Variants in FSIP1 observed in about 807,000 individuals in gnomAD.
FSIP1 encodes the protein fibrous sheath-interacting protein 1.
Under a neutral mutation model 60.9 loss-of-function variants are expected in FSIP1, and 65 were observed. That is an observed-to-expected ratio of 1.07 (90% CI 0.87 to 1.31). The LOEUF is 1.31. Among genes scored for constraint, FSIP1 ranks in the 40% most tolerant of loss-of-function variants. The probability of loss-of-function intolerance (pLI) is 0.00; values close to 1 mark genes in which losing one functional copy is unlikely to be tolerated. For missense variants in FSIP1, 675 were observed against 665.5 expected, an observed-to-expected ratio of 1.01 and a Z score of -0.16; for synonymous variants, 209 against 221.2, an observed-to-expected ratio of 0.94 and a Z score of 0.49.
At chr15:39,676,531 T>C (rs1259339207) in intron 10 of FSIP1, among the ~76,000 whole-genome samples, 1 of 152,218 alleles carries the variant, frequency 6.6e-6, no homozygotes, top group Non-Finnish European at 1.5e-5. Context: ...GAAGACTGTG[T>C]GTTCACGGAG....
intron 10 of FSIP1, among the ~76,000 whole-genome samples, chr15:39,698,964 T>A (rs34586114): frequency 0.047 from 7,110 of 152,308 alleles, 233 homozygotes; most frequent in Non-Finnish European, 0.065. Flanking sequence ...TAAGAGGTGA[T>A]GCAATAGCTT....
chr15:39,640,282 T>C (rs1414945484), intron 10 of FSIP1, among the ~76,000 whole-genome samples: 1 of 152,180 alleles, frequency 6.6e-6, no homozygotes, highest in African/African-American at 2.4e-5. Flanking sequence ...AAAATTCTCA[T>C]CTTTAACCTA....
chr15:39,675,040 T>A (rs1893882258), intron 10 of FSIP1, among the ~76,000 whole-genome samples: 2 of 141,296 alleles, frequency 1.4e-5, no homozygotes, highest in African/African-American at 5.0e-5. Flanking sequence ...ATGAATAGGC[T>A]TTTTTTTTAA....
At chr15:39,698,116 A>G (rs911095405) in intron 10 of FSIP1, among the ~76,000 whole-genome samples, 1 of 151,192 alleles carries the variant, frequency 6.6e-6, no homozygotes, top group Non-Finnish European at 1.5e-5. Context: ...AAGGTGGCTG[A>G]GTCCAAATCA....
chr15:39,770,622 TTC>T lies in FSIP1; in HGVS notation c.127-14_127-13del, dbSNP rs1491056004. The stretch of plus-strand genomic sequence containing the variant: ...CTTGCAGTATCGACCTAAAAATAAT[TTC>T]AAAAAAAAAACAGTTTCCGAAAATA... On this transcript the variant is annotated splice_polypyrimidine_tract_variant and intron_variant, in intron 2 of 11. Transcript: ENST00000350221. 6.8e-7 allele frequency: 1 copy of T among 1,463,946 alleles called. No homozygotes were observed. 90.7% of individuals were successfully genotyped at this position (1,463,946 alleles called of 1,614,324 possible). A position where few individuals can be genotyped will look rare whatever the true frequency, so the allele number is the denominator to read the frequency against.
At chr15:39,728,492 C>A (rs1310990672) in intron 8 of FSIP1, among the ~76,000 whole-genome samples, 1 of 152,148 alleles carries the variant, frequency 6.6e-6, no homozygotes, top group Non-Finnish European at 1.5e-5. Flanking sequence ...CACACACCTA[C>A]AACCATCTGA....
chr15:39,735,036 C>T (rs903497692), intron 8 of FSIP1, among the ~76,000 whole-genome samples: 12 of 152,148 alleles, frequency 7.9e-5, no homozygotes, highest in African/African-American at 1.2e-4. Flanking sequence ...GAAAATCTAT[C>T]GCCATAGTTT....
intron 10 of FSIP1, among the ~76,000 whole-genome samples, chr15:39,646,360 G>A (rs1204951675): frequency 6.6e-6 from 1 of 151,694 alleles, no homozygotes; most frequent in Non-Finnish European, 1.5e-5. Flanking sequence ...AGGTGCTGGG[G>A]CCACAGAGGT....
chr15:39,657,370 C>CG (rs1369397450), intron 10 of FSIP1, among the ~76,000 whole-genome samples: 5 of 152,166 alleles, frequency 3.3e-5, no homozygotes, highest in African/African-American at 1.2e-4. Context: ...TGACTTCACA[C>CG]ACATCATATT....
Position 39,726,734 on chromosome 15 carries a change from C to T in FSIP1, c.905G>A (p.Gly302Asp), listed in dbSNP as rs768252231. 5 of 1,613,920 alleles carry T rather than the reference C, an allele frequency of 3.1e-6. No homozygotes were observed. In the South Asian group the frequency reaches 5.5e-5, roughly 18 times the overall value. The change falls in exon 9 of 12, where the codon GGC (glycine) becomes GAC (aspartate). Residue 302 changes from glycine to aspartate, a missense_variant. By Grantham distance (94) the Gly-to-Asp change is moderately conservative (BLOSUM62 -1). Coordinates refer to ENST00000350221, the MANE Select transcript of FSIP1 (RefSeq NM_152597.5). ...GLSSSEGDQS[G>D]WVVPVKGYEL... ...ATATCCTTTTACTGGGACCACCCAG[C>T]CAGACTGATCACCCTAAGAGGAAAC...
At chr15:39,774,851 G>C (rs993036958) in intron 2 of FSIP1, among the ~76,000 whole-genome samples, 3 of 152,190 alleles carry the variant, frequency 2.0e-5, no homozygotes, top group African/African-American at 7.2e-5. Flanking sequence ...TGTGGCAGTG[G>C]CGGAAGCAGC....
rs140809011 is a variant in FSIP1, at chr15:39,660,441, G to A, written c.1189-42196C>T. ...GGAGAGATCACTGAGTATTTATGAT[G>A]TTGTAACAGTTTTAATTGAATATAA... is the stretch of plus-strand genomic sequence containing the variant. On this transcript the variant is annotated intron_variant, in intron 10 of 11. Transcript: ENST00000350221. Among the ~76,000 whole-genome samples, 11 of 152,308 alleles carry A rather than the reference G, an allele frequency of 7.2e-5. No individual in the cohort carries two copies. In the East Asian group the frequency reaches 2.1e-3, roughly 29 times the overall value.
At chr15:39,614,085 C>T (rs72725067) in intron 11 of FSIP1, among the ~76,000 whole-genome samples, 3,467 of 151,770 alleles carry the variant, frequency 0.023, 52 homozygotes, top group Non-Finnish European at 0.037. Context: ...GCCAGAGTTA[C>T]GCAAGAAAAA....
chr15:39,640,126 C>A (rs943346354), intron 10 of FSIP1, among the ~76,000 whole-genome samples: 7 of 152,106 alleles, frequency 4.6e-5, no homozygotes, highest in Non-Finnish European at 4.4e-5. Flanking sequence ...CACTAAAACA[C>A]GCTTAGGACC....
At chr15:39,748,240 TA>T (rs1251030807) in intron 5 of FSIP1, among the ~76,000 whole-genome samples, 14 of 152,156 alleles carry the variant, frequency 9.2e-5, no homozygotes, top group Non-Finnish European at 1.8e-4. Flanking sequence ...TTTCAGAAAC[TA>T]ATAAAAGCAC....
chr15:39,705,987 G>A (rs62004766), intron 10 of FSIP1, among the ~76,000 whole-genome samples: 15,174 of 125,024 alleles, frequency 0.12, 894 homozygotes, highest in Middle Eastern at 0.3. Context: ...AACAGAGTGA[G>A]ACTCGGTCTC....
chr15:39,700,445 TTTTA>T (rs1476972374), intron 10 of FSIP1, among the ~76,000 whole-genome samples: 1 of 152,240 alleles, frequency 6.6e-6, no homozygotes, highest in Non-Finnish European at 1.5e-5. Context: ...TAGCAGAGCA[TTTTA>T]TTTATTTGTT....
intron 10 of FSIP1, among the ~76,000 whole-genome samples, chr15:39,660,320 T>C (rs1225546671): frequency 2.0e-5 from 3 of 152,128 alleles, no homozygotes; most frequent in Admixed American, 1.3e-4. Context: ...ACTCAGTAAA[T>C]GCAGGCAGTT....
intron 10 of FSIP1, among the ~76,000 whole-genome samples, chr15:39,685,029 A>T (rs1894309813): frequency 6.7e-6 from 1 of 149,208 alleles, no homozygotes; most frequent in South Asian, 2.1e-4. Context: ...GACTCCTACA[A>T]ATCACACTAT....
Sources: gnomAD v4.1 joint callset for allele counts (sites outside exome capture counted in the v4.1 genomes callset) on GRCh38, gnomAD v4.1.1 for gene constraint, MANE v1.5 for transcripts, NCBI Gene and HGNC (gene_info 2026-07-23, HGNC 2026-07-21) for gene names.